Variants in ANOS1 observed in about 807,000 individuals in gnomAD.
ANOS1 encodes anosmin 1.
Under a neutral mutation model 59.0 loss-of-function variants are expected in ANOS1, and 6 were observed. That is an observed-to-expected ratio of 0.10 (90% CI 0.06 to 0.20). The LOEUF is 0.20. ANOS1 is among the 10% of genes least tolerant of loss of function. The pLI is 1.00. For missense variants in ANOS1, 433 were observed against 542.3 expected (o/e 0.80, Z 2.00); for synonymous variants, 217 against 223.4 (o/e 0.97, Z 0.25).
At chrX:8,622,804 A>G (rs1377139522) in intron 3 of ANOS1, among the ~76,000 whole-genome samples, 4 of 112,305 alleles carry the variant, frequency 3.6e-5, no homozygotes, top group Non-Finnish European at 7.5e-5. Flanking sequence ...TAGGGAAGAC[A>G]GTCCAGTAAA....
intron 2 of ANOS1, among the ~76,000 whole-genome samples, chrX:8,626,198 G>A (rs1230245166): frequency 1.9e-5 from 2 of 107,831 alleles, no homozygotes; most frequent in African/African-American, 6.8e-5. Context: ...AATGCTTGTT[G>A]GATGTTTCTT....
chrX:8,646,492 A>G (rs1054901771), intron 2 of ANOS1, among the ~76,000 whole-genome samples: 2 of 111,282 alleles, frequency 1.8e-5, no homozygotes, highest in African/African-American at 3.3e-5. Flanking sequence ...CAGCATGAAA[A>G]TAAATGTGAA....
intron 7 of ANOS1, among the ~76,000 whole-genome samples, chrX:8,569,442 A>G (rs958314491): frequency 5.3e-5 from 6 of 112,263 alleles, no homozygotes; most frequent in Non-Finnish European, 7.5e-5. Flanking sequence ...GGAGATAGAG[A>G]TCATCCTGGC....
intron 3 of ANOS1, among the ~76,000 whole-genome samples, chrX:8,610,033 A>AAAAAAAAACAAC (rs1287806402): frequency 2.3e-4 from 19 of 82,646 alleles, no homozygotes; most frequent in Non-Finnish European, 4.3e-4. Context: ...AAAAAAAAAA[A>AAAAAAAAACAAC]AACAACAACC....
At position 8,550,963 on chromosome X, in the gene ANOS1, T is replaced by A. The variant is rs7052461; in HGVS notation, c.1354+2989A>T. On this transcript the variant is annotated intron_variant, in intron 9 of 13. Transcript: ENST00000262648. ...AGGTAACTGAATCATGGGGACGAGG[T>A]TTTCCCATGTTGTTCTCATGATAGT... 3.8e-3 allele frequency among the ~76,000 whole-genome samples: 427 copies of A among 111,168 alleles called. 2 individuals are homozygous for A. Among genetic ancestry groups the A allele is most frequent in the African/African-American group, 0.013 (411 of 30,597 alleles).
chrX:8,529,207 C>T lies in ANOS1; in HGVS notation c.*3788G>A. 1 of 111,544 alleles carries T rather than the reference C, an allele frequency of 9.0e-6. No individual in the cohort carries two copies. Among genetic ancestry groups the T allele is most frequent in the Non-Finnish European group, 1.9e-5 (1 of 53,122 alleles). 9.2% of individuals were successfully genotyped at this position (111,544 alleles called of 1,213,427 possible). A position where few individuals can be genotyped will look rare whatever the true frequency, so the allele number is the denominator to read the frequency against. On this transcript the variant is annotated 3_prime_UTR_variant, in exon 14 of 14. Transcript: ENST00000262648. ...ACTTTATATAGACCTCTGTTAATCA[C>T]TCCGTAAATCATATAACTCACTAGA...
At position 8,553,955 on chromosome X, in the gene ANOS1, C is replaced by T. The variant is rs1460369434; in HGVS notation, c.1351G>A (p.Glu451Lys). 4 of 1,206,084 alleles carry T rather than the reference C, an allele frequency of 3.3e-6. No homozygotes were observed. Among genetic ancestry groups the T allele is most frequent in the Non-Finnish European group, 4.5e-6 (4 of 891,552 alleles). ...TAAGTAAGTAATGTTTATGTACCTT[C>T]TGTCTTCTTCCAGTAGACTTTAACT... ...LQVKVYWKKT[E>K]DPTVNRYHVR... The change falls in exon 9 of 14, where the codon GAA (glutamate) becomes AAA (lysine). Residue 451 changes from glutamate to lysine, a missense_variant. Glu to Lys is a moderately conservative substitution (Grantham distance 56). Coordinates refer to ENST00000262648, the MANE Select transcript of ANOS1 (RefSeq NM_000216.4).
intron 2 of ANOS1, among the ~76,000 whole-genome samples, chrX:8,660,184 C>T (rs1167429879): frequency 2.7e-5 from 3 of 111,489 alleles, no homozygotes; most frequent in Admixed American, 9.5e-5. Flanking sequence ...CGAGGCAGCT[C>T]TCTGGGCAAC....
intron 1 of ANOS1, among the ~76,000 whole-genome samples, chrX:8,725,449 G>A (rs1299614757): frequency 1.9e-5 from 2 of 107,004 alleles, no homozygotes; most frequent in Non-Finnish European, 3.8e-5. Context: ...GGGAACACTT[G>A]CACCAACAAT....
At position 8,535,741 on chromosome X, in the gene ANOS1, G is replaced by A; in HGVS notation, c.1692C>T (p.Asn564=). ...TCTTCCAAGAAAAGTGACCGGTGAT[G>A]TTCACATCCTGGACGATGAATGAAG... ...LSASFIVQDV[N]ITGHFSWKMA... Residue 564 remains asparagine, a synonymous_variant, in exon 12 of 14, where the codon AAC becomes AAT. Coordinates refer to ENST00000262648, the MANE Select transcript of ANOS1 (RefSeq NM_000216.4). 1 of 1,211,842 alleles carries A rather than the reference G, an allele frequency of 8.3e-7. No homozygotes were observed. The highest frequency in any genetic ancestry group is 1.1e-6 in the Non-Finnish European group (1 of 895,255).
chrX:8,569,472 C>G (rs888395252), intron 7 of ANOS1, among the ~76,000 whole-genome samples: 1 of 111,528 alleles, frequency 9.0e-6, no homozygotes, highest in Admixed American at 9.5e-5. Context: ...GAAACCCTGT[C>G]TCTACTAAAA....
At chrX:8,645,050 T>C (rs1220207785) in intron 2 of ANOS1, among the ~76,000 whole-genome samples, 1 of 112,857 alleles carries the variant, frequency 8.9e-6, no homozygotes, top group Non-Finnish European at 1.9e-5. Flanking sequence ...TCTACATTGA[T>C]TGAGACCTGT....
intron 1 of ANOS1, among the ~76,000 whole-genome samples, chrX:8,702,104 G>A (rs1275382388): frequency 2.7e-5 from 3 of 110,641 alleles, no homozygotes; most frequent in African/African-American, 6.6e-5. Context: ...AGTTCCGTAC[G>A]TCCACATCTG....
intron 3 of ANOS1, among the ~76,000 whole-genome samples, chrX:8,605,645 CAAA>C (rs368596236): frequency 9.2e-4 from 44 of 47,894 alleles, no homozygotes; most frequent in South Asian, 8.0e-3. Flanking sequence ...GACTCCATCT[CAAA>C]AAAAAAAAAA....
At chrX:8,594,660 A>G (rs750703586) in intron 4 of ANOS1, among the ~76,000 whole-genome samples, 1,455 of 14,330 alleles carry the variant, frequency 0.1, 66 homozygotes, top group African/African-American at 0.39. Flanking sequence ...ATATATGTGT[A>G]TATATATATA....
intron 3 of ANOS1, among the ~76,000 whole-genome samples, chrX:8,598,520 T>C (rs1930783268): frequency 9.0e-6 from 1 of 111,547 alleles, no homozygotes; most frequent in East Asian, 2.8e-4. Flanking sequence ...ATGCTCTCTG[T>C]GCTCTTGCTC....
intron 2 of ANOS1, among the ~76,000 whole-genome samples, chrX:8,687,627 C>CAT (rs1177146922): frequency 1.8e-5 from 2 of 109,219 alleles, no homozygotes; most frequent in East Asian, 5.8e-4. Flanking sequence ...CACACACACA[C>CAT]ACTGATTACC....
intron 2 of ANOS1, among the ~76,000 whole-genome samples, chrX:8,680,795 T>C (rs1371413256): frequency 3.6e-5 from 4 of 111,726 alleles, no homozygotes; most frequent in Non-Finnish European, 7.5e-5. Flanking sequence ...TATCAGAATA[T>C]GCCATCCCAA....
intron 3 of ANOS1, among the ~76,000 whole-genome samples, chrX:8,601,193 C>CAAAAAAAA (rs34363483): frequency 3.2e-5 from 2 of 62,162 alleles, no homozygotes; most frequent in Non-Finnish European, 5.9e-5. Context: ...GACTTTGTCT[C>CAAAAAAAA]AAAAAAAAAA....
Sources: gnomAD v4.1 joint callset for allele counts (sites outside exome capture counted in the v4.1 genomes callset) on GRCh38, gnomAD v4.1.1 for gene constraint, MANE v1.5 for transcripts, NCBI Gene and HGNC (gene_info 2026-07-23, HGNC 2026-07-21) for gene names.